CCNY: variants seen among roughly 807,000 people sequenced by gnomAD.
CCNY encodes cyclin-Y.
CCNY carries 19 observed loss-of-function variants against 42.8 expected under a neutral mutation model. The ratio of observed to expected loss-of-function variants is 0.44; its 90% CI spans 0.31 to 0.65. The LOEUF is 0.65. CCNY is among the 30% of genes least tolerant of loss of function. CCNY has a pLI of 0.07. For missense variants in CCNY, 370 were observed against 437.3 expected (o/e 0.85, Z 1.37); for synonymous variants, 165 against 162.7 (o/e 1.01, Z -0.11).
chr10:35,438,008 G>T (rs564882653), intron 1 of CCNY, among the ~76,000 whole-genome samples: 1 of 152,240 alleles, frequency 6.6e-6, no homozygotes, highest in Admixed American at 6.5e-5. Flanking sequence ...TTCTCTGCTT[G>T]GCAGCAAATA....
At chr10:35,565,713 T>C (rs1385383976) in intron 8 of CCNY, among the ~76,000 whole-genome samples, 1 of 152,208 alleles carries the variant, frequency 6.6e-6, no homozygotes, top group Admixed American at 6.5e-5. Flanking sequence ...CACCCTTTGT[T>C]AGCAGCCTGT....
intron 1 of CCNY, among the ~76,000 whole-genome samples, chr10:35,366,972 A>C (rs1295892578): frequency 6.6e-6 from 1 of 152,236 alleles, no homozygotes; most frequent in Non-Finnish European, 1.5e-5. Flanking sequence ...TAAGTGTGGA[A>C]GGAGGGAATG....
chr10:35,408,225 G>A (rs888107177), intron 1 of CCNY, among the ~76,000 whole-genome samples: 1 of 152,180 alleles, frequency 6.6e-6, no homozygotes, highest in African/African-American at 2.4e-5. Flanking sequence ...ATCTCTTCAC[G>A]GAGTGAGGGT....
chr10:35,404,491 G>A (rs974093457), intron 1 of CCNY, among the ~76,000 whole-genome samples: 1 of 152,152 alleles, frequency 6.6e-6, no homozygotes, highest in Admixed American at 6.5e-5. Flanking sequence ...TAATGGTTTT[G>A]TTAGGATGGC....
chr10:35,485,728 AAAAAAAAAAAAC>A (rs1160377234), intron 2 of CCNY, among the ~76,000 whole-genome samples: 4 of 148,584 alleles, frequency 2.7e-5, no homozygotes, highest in African/African-American at 1.0e-4. Context: ...CCGTCTCAAA[AAAAAAAAAAAAC>A]AAAAAAAAAA....
intron 1 of CCNY, among the ~76,000 whole-genome samples, chr10:35,479,041 C>G (rs1229387041): frequency 6.6e-6 from 1 of 152,094 alleles, no homozygotes; most frequent in Non-Finnish European, 1.5e-5. Flanking sequence ...AAATGCAAAT[C>G]AAAACCACAA....
chr10:35,275,580 G>A (rs1452733849), intron 3 of CCNY, among the ~76,000 whole-genome samples: 11 of 151,704 alleles, frequency 7.3e-5, no homozygotes, highest in Admixed American at 3.3e-4. Context: ...CGGCTAACAC[G>A]GTGAAACCCC....
intron 1 of CCNY, among the ~76,000 whole-genome samples, chr10:35,399,394 T>G (rs749632920): frequency 6.6e-6 from 1 of 152,036 alleles, no homozygotes; most frequent in Non-Finnish European, 1.5e-5. Flanking sequence ...CTGGAAGTCT[T>G]TTTACTCCAC....
At chr10:35,263,648 TTTC>T (rs1445120121) in intron 3 of CCNY, among the ~76,000 whole-genome samples, 1 of 152,184 alleles carries the variant, frequency 6.6e-6, no homozygotes, top group African/African-American at 2.4e-5. Context: ...ACATTTTTAC[TTTC>T]TTTTTTAAAT....
chr10:35,509,849 TAGCTGTGTGAATA>T (rs1840289962), intron 3 of CCNY, among the ~76,000 whole-genome samples: 1 of 152,200 alleles, frequency 6.6e-6, no homozygotes, highest in Non-Finnish European at 1.5e-5. Context: ...CACCCTGTAT[TAGCTGTGTGAATA>T]AGGCAAAGAC....
At chr10:35,518,955 G>A (rs112800905) in intron 4 of CCNY, among the ~76,000 whole-genome samples, 10 of 139,472 alleles carry the variant, frequency 7.2e-5, no homozygotes, top group African/African-American at 1.1e-4. Flanking sequence ...GTATACTGTG[G>A]GTATCTGGAT....
chr10:35,469,816 A>T (rs1350947308), intron 1 of CCNY, among the ~76,000 whole-genome samples: 1 of 150,604 alleles, frequency 6.6e-6, no homozygotes. Context: ...AGATGGAGAG[A>T]TAGGGAGATG....
At chr10:35,308,214 G>T (rs966416808) in intron 3 of CCNY, among the ~76,000 whole-genome samples, 1 of 152,052 alleles carries the variant, frequency 6.6e-6, no homozygotes, top group African/African-American at 2.4e-5. Context: ...TTAGAATGGA[G>T]CAGGATCACA....
At chr10:35,440,412 C>T (rs1212068976) in intron 1 of CCNY, among the ~76,000 whole-genome samples, 1 of 152,194 alleles carries the variant, frequency 6.6e-6, no homozygotes, top group Non-Finnish European at 1.5e-5. Context: ...CTCAACTCTG[C>T]TGTTGAACCT....
In CCNY at chr10:35,292,786, T is replaced by G. The variant is rs1011932317; in HGVS notation, c.-9+42160T>G. ...TGTAAGAGTGCTTTGTTTTTGTTTT[T>G]TTTTTTTTTTTTTTTGGAGACGAAG... is the stretch of plus-strand genomic sequence containing the variant. On this transcript the variant is annotated intron_variant, in intron 3 of 11. Coordinates refer to the CCNY transcript ENST00000374706. Among the ~76,000 whole-genome samples, 54 of 147,060 alleles carry G rather than the reference T, an allele frequency of 3.7e-4. 1 individual carries two copies. Among genetic ancestry groups the G allele is most frequent in the African/African-American group, 8.7e-4 (35 of 40,272 alleles).
At chr10:35,275,210 C>G (rs1460236387) in intron 3 of CCNY, among the ~76,000 whole-genome samples, 1 of 151,474 alleles carries the variant, frequency 6.6e-6, no homozygotes, top group Non-Finnish European at 1.5e-5. Context: ...ATTACAGGCA[C>G]CCGCCATCAT....
intron 7 of CCNY, among the ~76,000 whole-genome samples, chr10:35,549,354 C>G (rs1320579436): frequency 6.6e-6 from 1 of 152,170 alleles, no homozygotes; most frequent in Non-Finnish European, 1.5e-5. Flanking sequence ...GTATGTGACC[C>G]TGTGCTGCTC....
At chr10:35,377,744 A>AT (rs1837085705) in intron 1 of CCNY, among the ~76,000 whole-genome samples, 1 of 151,962 alleles carries the variant, frequency 6.6e-6, no homozygotes, top group Non-Finnish European at 1.5e-5. Flanking sequence ...AAAAAATAAC[A>AT]TTATAATGTA....
chr10:35,390,805 A>G (rs1837397600), intron 1 of CCNY, among the ~76,000 whole-genome samples: 1 of 152,162 alleles, frequency 6.6e-6, no homozygotes, highest in East Asian at 1.9e-4. Flanking sequence ...CTCCTGTATT[A>G]TTATTATTAT....
Sources: allele counts gnomAD v4.1 joint callset (sites outside exome capture counted in the v4.1 genomes callset), GRCh38; gene constraint gnomAD v4.1.1; transcripts MANE v1.5; gene names NCBI Gene and HGNC (gene_info 2026-07-23, HGNC 2026-07-21).